Variants in MGME1 observed in about 807,000 individuals in gnomAD.
MGME1 encodes the protein mitochondrial genome maintenance exonuclease 1.
A neutral mutation model predicts 33.0 loss-of-function variants in MGME1; 22 were observed. That is an observed-to-expected ratio of 0.67 (90% CI 0.48 to 0.95). MGME1 has a LOEUF of 0.95. Ranked by LOEUF, MGME1 falls within the 40% of genes least tolerant of loss-of-function variation. MGME1 has a pLI of 0.00. For missense variants in MGME1, 383 were observed against 397.8 expected (o/e 0.96, Z 0.32); for synonymous variants, 133 against 144.0 (o/e 0.92, Z 0.55).
chr20:17,983,142 A>G (rs1234981566), intron 3 of MGME1, among the ~76,000 whole-genome samples: 4 of 152,176 alleles, frequency 2.6e-5, no homozygotes, highest in Non-Finnish European at 4.4e-5. Context: ...TTCCACATAT[A>G]AATGAAATCA....
intron 3 of MGME1, among the ~76,000 whole-genome samples, chr20:17,980,047 A>G (rs2035968662): frequency 6.6e-6 from 1 of 151,952 alleles, no homozygotes; most frequent in African/African-American, 2.4e-5. Context: ...GTTTTTGAGA[A>G]GGAGTTTTGC....
chr20:17,979,007 G>T (rs750297238), intron 3 of MGME1, among the ~76,000 whole-genome samples: 1 of 151,676 alleles, frequency 6.6e-6, no homozygotes, highest in Non-Finnish European at 1.5e-5. Flanking sequence ...CGAGCTCCGG[G>T]CCTTGAGTGA....
intron 3 of MGME1, among the ~76,000 whole-genome samples, chr20:17,976,226 C>T (rs536231006): frequency 1.3e-5 from 2 of 152,196 alleles, no homozygotes; most frequent in African/African-American, 2.4e-5. Context: ...CAGGTTCAAG[C>T]GGTTCTCCTG....
intron 3 of MGME1, among the ~76,000 whole-genome samples, chr20:17,983,176 C>T (rs1395877278): frequency 1.3e-5 from 2 of 151,914 alleles, no homozygotes; most frequent in Non-Finnish European, 2.9e-5. Context: ...TTTTTGTGCC[C>T]AGCTTATTTC....
At chr20:17,984,478 C>G (rs1462958713) in intron 3 of MGME1, among the ~76,000 whole-genome samples, 3 of 151,970 alleles carry the variant, frequency 2.0e-5, no homozygotes, top group Non-Finnish European at 4.4e-5. Flanking sequence ...ATAAACTAAC[C>G]TCCTATTCAG....
chr20:17,975,686 G>A lies in MGME1; in HGVS notation c.514G>A (p.Val172Ile), dbSNP rs759431314. ...EDGFKEYTSN[V>I]FLQGKRFHEA... ...CTTTTCCCTGATTTTCTTTTCAGAC[G>A]TCTTTTTACAAGGGAAACGGTTCCA... Residue 172 changes from valine (V) to isoleucine (I), a missense_variant and splice_region_variant, in exon 3 of 5, where the codon GTC becomes ATC. Coordinates refer to ENST00000377710, the MANE Select transcript of MGME1 (RefSeq NM_052865.4). The A allele has an allele frequency of 5.0e-6, 8 of 1,610,164 alleles. No individual in the cohort carries two copies. Among genetic ancestry groups the A allele is most frequent in the East Asian group, 4.5e-5 (2 of 44,776 alleles).
chr20:17,990,764 C>A lies in MGME1; in HGVS notation c.*655C>A, dbSNP rs2036281188. On this transcript the variant is annotated 3_prime_UTR_variant, in exon 5 of 5. Coordinates refer to ENST00000377710, the MANE Select transcript of MGME1 (RefSeq NM_052865.4). ...CATTGCGTAACACCAAATAACCCCC[C>A]AGAAGTAGCCAGAGGCCAGTTTGAA... 1 of 152,282 alleles carries A rather than the reference C, an allele frequency of 6.6e-6. No homozygotes were observed. The highest frequency in any genetic ancestry group is 1.5e-5 in the Non-Finnish European group (1 of 68,098). 9.4% of individuals were successfully genotyped at this position (152,282 alleles called of 1,614,324 possible).
intron 3 of MGME1, among the ~76,000 whole-genome samples, chr20:17,977,571 G>C (rs535673048): frequency 6.6e-6 from 1 of 152,204 alleles, no homozygotes; most frequent in East Asian, 1.9e-4. Flanking sequence ...TAAAAAAAGA[G>C]ATCTTGGGGA....
In MGME1 at chr20:17,990,979, G is replaced by A. The variant is rs1214823032; in HGVS notation, c.*870G>A. The A allele has an allele frequency of 6.6e-6, 1 of 152,162 alleles. No individual in the cohort carries two copies. Among genetic ancestry groups the A allele is most frequent in the Non-Finnish European group, 1.5e-5 (1 of 68,032 alleles). The allele number at this position is 152,162 out of a possible 1,614,324, so 9.4% of individuals were successfully genotyped here. Reference sequence around the variant, plus strand: ...TTGGGAAACTTAAATGCCCATTACAGCCCTGGGGAAGGGTTTTCTGTCTTA... The same window carrying A: ...TTGGGAAACTTAAATGCCCATTACAACCCTGGGGAAGGGTTTTCTGTCTTA... On this transcript the variant is annotated 3_prime_UTR_variant, in exon 5 of 5. Transcript: ENST00000377710.
rs10677204 is a variant in MGME1, at chr20:17,981,648, C to CGTGTGTGTGT, written c.731+5774_731+5783dup. ...GAGCCACCTTGCCCAATCTACTACT[C>CGTGTGTGTGT]GTGTGTGTGTGTGTGTGTGTGTGTG... On this transcript the variant is annotated intron_variant, in intron 3 of 4. Transcript: ENST00000377710. Among the ~76,000 whole-genome samples, 583 of 139,794 alleles carry CGTGTGTGTGT rather than the reference C, an allele frequency of 4.2e-3. 4 individuals are homozygous for CGTGTGTGTGT. Among genetic ancestry groups the CGTGTGTGTGT allele is most frequent in the African/African-American group, 0.013 (499 of 37,466 alleles). 91.7% of individuals were successfully genotyped at this position (139,794 alleles called of 152,430 possible). A position where few individuals can be genotyped will look rare whatever the true frequency, so the allele number is the denominator to read the frequency against.
At chr20:17,969,270 C>G (rs1262512445) in intron 1 of MGME1, 129 bp downstream of exon 1, 3 of 152,362 alleles carry the variant, frequency 2.0e-5, no homozygotes, top group African/African-American at 7.2e-5. Context: ...CGGGAGGCGA[C>G]TTTTTGCGGT....
At chr20:17,969,733 TC>T in intron 1 of MGME1, 67 bp from the exon 2 acceptor site, 1 of 1,009,928 alleles carries the variant, frequency 9.9e-7, no homozygotes, top group Non-Finnish European at 1.4e-6. Flanking sequence ...TCGAAAAAGT[TC>T]ACAATTTTGA....
intron 4 of MGME1, among the ~76,000 whole-genome samples, chr20:17,989,381 C>A (rs763802546): frequency 4.8e-5 from 6 of 124,216 alleles, no homozygotes; most frequent in Non-Finnish European, 9.6e-5. Context: ...GCAAGACTGT[C>A]TCTCTCCAAA....
intron 3 of MGME1, among the ~76,000 whole-genome samples, chr20:17,981,082 T>C (rs2036006137): frequency 6.6e-6 from 1 of 152,148 alleles, no homozygotes; most frequent in South Asian, 2.1e-4. Context: ...CTACGCTCTT[T>C]TTTGTTCTTT....
chr20:17,983,267 T>TTTTGTGTG (rs79417227), intron 3 of MGME1, among the ~76,000 whole-genome samples: 2 of 142,578 alleles, frequency 1.4e-5, no homozygotes, highest in African/African-American at 5.2e-5. Context: ...TAGTGTTCTA[T>TTTTGTGTG]TGTGTGTGTG....
intron 3 of MGME1, among the ~76,000 whole-genome samples, chr20:17,985,314 T>C (rs1260620882): frequency 1.3e-5 from 2 of 151,976 alleles, no homozygotes; most frequent in Non-Finnish European, 2.9e-5. Flanking sequence ...TCCCAGCTAT[T>C]TGGGAGGCTG....
chr20:17,980,781 C>T (rs2035994992), intron 3 of MGME1, among the ~76,000 whole-genome samples: 1 of 146,870 alleles, frequency 6.8e-6, no homozygotes, highest in Non-Finnish European at 1.5e-5. Flanking sequence ...TGCACTCTAG[C>T]ATGGGTGACA....
At chr20:17,989,149 G>A (rs974506258) in intron 4 of MGME1, among the ~76,000 whole-genome samples, 1 of 151,938 alleles carries the variant, frequency 6.6e-6, no homozygotes, top group African/African-American at 2.4e-5. Context: ...ACTTTGGGAG[G>A]CCGAGTTGGG....
chr20:17,968,601 G>T, upstream of MGME1: 2 of 633,704 alleles, frequency 3.2e-6, no homozygotes, highest in Non-Finnish European at 5.6e-6. Context: ...GCTGCCCCGG[G>T]AGCAGGCGAG....
Sources: gnomAD v4.1 joint callset for allele counts (sites outside exome capture counted in the v4.1 genomes callset) on GRCh38, gnomAD v4.1.1 for gene constraint, MANE v1.5 for transcripts, NCBI Gene and HGNC (gene_info 2026-07-23, HGNC 2026-07-21) for gene names.